The following RFX7 variants were observed in gnomAD, a reference collection of about 807,000 sequenced individuals.
The protein encoded by RFX7 is regulatory factor X7.
RFX7 carries 26 observed loss-of-function variants against 111.8 expected under a neutral mutation model. The ratio of observed to expected loss-of-function variants is 0.23; its 90% CI spans 0.17 to 0.32. The LOEUF (loss-of-function observed/expected upper bound fraction) is 0.32. Ranked by LOEUF, RFX7 falls within the 10% of genes least tolerant of loss-of-function variation. The probability of loss-of-function intolerance (pLI) is 1.00; values close to 1 mark genes in which losing one functional copy is unlikely to be tolerated. For synonymous variants in RFX7, 624 were observed against 624.4 expected, an observed-to-expected ratio of 1.00 and a Z score of 0.01; for missense variants, 1,573 against 1,772.9, an observed-to-expected ratio of 0.89 and a Z score of 2.02.
intron 3 of RFX7, among the ~76,000 whole-genome samples, chr15:56,146,245 G>A (rs977203478): frequency 1.3e-5 from 2 of 151,950 alleles, no homozygotes; most frequent in South Asian, 2.1e-4. Flanking sequence ...CCAGAGGTGC[G>A]TGCCACCACA....
intron 5 of RFX7, among the ~76,000 whole-genome samples, chr15:56,130,096 A>G (rs1261439025): frequency 3.3e-5 from 5 of 152,222 alleles, no homozygotes; most frequent in African/African-American, 1.2e-4. Context: ...TAAAAAATAC[A>G]GTAAGGAACT....
At chr15:56,182,228 T>C (rs1442799988) in intron 2 of RFX7, among the ~76,000 whole-genome samples, 1 of 152,106 alleles carries the variant, frequency 6.6e-6, no homozygotes, top group African/African-American at 2.4e-5. Context: ...CCTCCATCTG[T>C]GGGAAAATTT....
chr15:56,121,940 T>A (rs752272720), intron 5 of RFX7, among the ~76,000 whole-genome samples: 5 of 152,230 alleles, frequency 3.3e-5, no homozygotes, highest in Admixed American at 6.5e-5. Flanking sequence ...TTGAATTTAT[T>A]TGAGCTCCCT....
At chr15:56,109,988 C>CCTACTGGAAAGTG (rs2041892471) in intron 5 of RFX7, among the ~76,000 whole-genome samples, 1 of 144,004 alleles carries the variant, frequency 6.9e-6, no homozygotes, top group Admixed American at 6.7e-5. Flanking sequence ...CCTGCCCGGC[C>CCTACTGGAAAGTG]AGCCGCCCCG....
chr15:56,185,044 G>T (rs1415742612), intron 2 of RFX7, among the ~76,000 whole-genome samples: 1 of 151,998 alleles, frequency 6.6e-6, no homozygotes, highest in Non-Finnish European at 1.5e-5. Flanking sequence ...TGTTAAAGTT[G>T]AATACAAAAC....
At chr15:56,158,760 C>G (rs2042684430) in intron 3 of RFX7, among the ~76,000 whole-genome samples, 1 of 152,056 alleles carries the variant, frequency 6.6e-6, no homozygotes, top group South Asian at 2.1e-4. Flanking sequence ...GAGGTCAAAG[C>G]TGCAGTGAGC....
intron 3 of RFX7, among the ~76,000 whole-genome samples, chr15:56,170,402 ACT>A (rs1306173799): frequency 6.6e-6 from 1 of 151,904 alleles, no homozygotes; most frequent in Non-Finnish European, 1.5e-5. Context: ...TAACCTCAGC[ACT>A]CTGACCTTTT....
chr15:56,174,069 C>T (rs565139381), intron 3 of RFX7, among the ~76,000 whole-genome samples: 17 of 151,416 alleles, frequency 1.1e-4, no homozygotes, highest in African/African-American at 2.4e-4. Flanking sequence ...CCTGAGGTCA[C>T]GAGTCCGAGA....
intron 5 of RFX7, among the ~76,000 whole-genome samples, chr15:56,141,249 G>A (rs959963785): frequency 2.6e-5 from 4 of 151,698 alleles, no homozygotes; most frequent in Non-Finnish European, 5.9e-5. Context: ...TCAGAGGGCT[G>A]AGGCAGGAGG....
In RFX7 at chr15:56,159,865, T is replaced by G. The variant is rs73409482; in HGVS notation, c.196-15382A>C. Among the ~76,000 whole-genome samples the G allele has an allele frequency of 3.5e-3, 528 of 152,316 alleles. 3 individuals carry two copies. Among genetic ancestry groups the G allele is most frequent in the African/African-American group, 0.012 (509 of 41,564 alleles). ...AAGGAACTATGTTTTCATTATTTATTGGCATAATATTCAATTTAAAAGTAG... is the reference window on the plus strand; with the variant it reads ...AAGGAACTATGTTTTCATTATTTATGGGCATAATATTCAATTTAAAAGTAG... On this transcript the variant is annotated intron_variant, in intron 3 of 9. Coordinates refer to ENST00000559447, the MANE Select transcript of RFX7 (RefSeq NM_022841.7).
In RFX7 at chr15:56,087,475, T is replaced by G. The variant is rs1455323683; in HGVS notation, c.*5870A>C. 2.2e-6 allele frequency: 1 copy of G among 456,702 alleles called. No individual in the cohort carries two copies. The highest frequency in any genetic ancestry group is 4.4e-6 in the Non-Finnish European group (1 of 226,974). 28.3% of individuals were successfully genotyped at this position (456,702 alleles called of 1,614,324 possible). A position where few individuals can be genotyped will look rare whatever the true frequency, so the allele number is the denominator to read the frequency against. ...CTGCTTGAGTTCTAGCCATCACATT[T>G]GCATTCCAGCCAGCAGAGAGGAAGG... On this transcript the variant is annotated 3_prime_UTR_variant, in exon 10 of 10. Transcript: ENST00000559447.
rs2041595642 is a variant in RFX7 at position 56,091,551 on chromosome 15, A to G, written c.*1794T>C. ...AGAATGGCCTCAAAATCTCCTTTTC[A>G]GAGTATCTCATAAAGAAAGGCTCCC... On this transcript the variant is annotated 3_prime_UTR_variant, in exon 10 of 10. Transcript: ENST00000559447. 1 of 152,472 alleles carries G rather than the reference A, an allele frequency of 6.6e-6. No individual in the cohort carries two copies. The highest frequency in any genetic ancestry group is 1.5e-5 in the Non-Finnish European group (1 of 67,956). 9.4% of individuals were successfully genotyped at this position (152,472 alleles called of 1,614,324 possible).
At chr15:56,195,329 G>A (rs2713941) in intron 2 of RFX7, among the ~76,000 whole-genome samples, 49,927 of 151,814 alleles carry the variant, frequency 0.33, 9,363 homozygotes, top group East Asian at 0.41. Context: ...TAGAGGTGAT[G>A]GCTACATAAC....
intron 2 of RFX7, among the ~76,000 whole-genome samples, chr15:56,242,114 A>C (rs1185250180): frequency 6.6e-6 from 1 of 152,244 alleles, no homozygotes; most frequent in Admixed American, 6.5e-5. Flanking sequence ...ATGGCCCTGC[A>C]AAGATTTCAT....
intron 5 of RFX7, among the ~76,000 whole-genome samples, chr15:56,109,935 T>C (rs2041890916): frequency 2.1e-5 from 3 of 142,814 alleles, no homozygotes; most frequent in East Asian, 2.3e-4. Flanking sequence ...GACCCTCGCC[T>C]GGCCAGCCGC....
intron 2 of RFX7, among the ~76,000 whole-genome samples, chr15:56,227,221 A>G (rs2043494994): frequency 6.6e-6 from 1 of 152,234 alleles, no homozygotes; most frequent in African/African-American, 2.4e-5. Context: ...ATATATTACA[A>G]GTAATTGGTT....
chr15:56,203,211 C>T (rs992775177), intron 2 of RFX7, among the ~76,000 whole-genome samples: 4 of 152,102 alleles, frequency 2.6e-5, no homozygotes, highest in Non-Finnish European at 5.9e-5. Context: ...CATATGACAA[C>T]CTGGAACAGA....
chr15:56,089,152 G>A lies in RFX7; in HGVS notation c.*4193C>T, dbSNP rs2041565451. ...GATCTAAGCTAAGTAATTGGCCTTA[G>A]GATGAGCCTTTGTTTAATACAATGA... On this transcript the variant is annotated 3_prime_UTR_variant, in exon 10 of 10. Transcript: ENST00000559447. 6.6e-6 allele frequency: 1 copy of A among 152,214 alleles called. No individual in the cohort carries two copies. The highest frequency in any genetic ancestry group is 2.1e-4 in the South Asian group (1 of 4,838). 9.4% of individuals were successfully genotyped at this position (152,214 alleles called of 1,614,324 possible). A position where few individuals can be genotyped will look rare whatever the true frequency, so the allele number is the denominator to read the frequency against.
At chr15:56,222,298 C>T (rs77171858) in intron 2 of RFX7, among the ~76,000 whole-genome samples, 3,521 of 152,124 alleles carry the variant, frequency 0.023, 135 homozygotes, top group African/African-American at 0.079. Flanking sequence ...CTTTAAGATG[C>T]TCTCTTTATT....
Sources: gnomAD v4.1 joint callset for allele counts (sites outside exome capture counted in the v4.1 genomes callset) on GRCh38, gnomAD v4.1.1 for gene constraint, MANE v1.5 for transcripts, NCBI Gene and HGNC (gene_info 2026-07-23, HGNC 2026-07-21) for gene names.